The following RNF14 variants were observed in gnomAD, a reference collection of about 807,000 sequenced individuals.
RNF14 encodes the protein ring finger protein 14.
A neutral mutation model predicts 52.6 loss-of-function variants in RNF14; 26 were observed. The observed-to-expected ratio is 0.49, with a 90% CI of 0.36 to 0.69. The LOEUF (loss-of-function observed/expected upper bound fraction) is 0.69, where lower values mean the gene tolerates loss of function less well. RNF14 is among the 30% of genes least tolerant of loss of function. The pLI, the probability that RNF14 is intolerant of heterozygous loss-of-function variation, is 0.00. For synonymous variants in RNF14, 194 were observed against 202.0 expected (o/e 0.96, Z 0.34); for missense variants, 404 against 560.4 (o/e 0.72, Z 2.82).
At chr5:141,972,807 T>C (rs559127634) in intron 2 of RNF14, among the ~76,000 whole-genome samples, 1 of 152,176 alleles carries the variant, frequency 6.6e-6, no homozygotes, top group South Asian at 2.1e-4. Flanking sequence ...GCCAGGCTGG[T>C]CTCGAACTCC....
intron 6 of RNF14, among the ~76,000 whole-genome samples, chr5:141,981,226 A>G: frequency 6.6e-6 from 1 of 152,372 alleles, no homozygotes; most frequent in East Asian, 1.9e-4. Context: ...TGTATAATAT[A>G]TAGAAATTGA....
At chr5:141,952,283 C>T in the RNF14 span, 2 of 152,212 alleles carry the variant, frequency 1.3e-5, no homozygotes, top group African/African-American at 4.8e-5. Context: ...AGAATGGGGG[C>T]TCTGTGGGAG....
chr5:141,980,468 T>G, intron 6 of RNF14, 117 bp downstream of exon 6: 1 of 798,198 alleles, frequency 1.3e-6, no homozygotes, highest in South Asian at 1.7e-5. Context: ...TAGCAGATAT[T>G]TCTGTGTCAG....
upstream of RNF14, chr5:141,956,494 A>G: frequency 6.2e-7 from 1 of 1,614,200 alleles, no homozygotes; most frequent in Non-Finnish European, 8.5e-7. Flanking sequence ...ATTGTCGTTG[A>G]TGTCACTGAT....
chr5:141,967,288 C>G (rs1020700444), upstream of RNF14, among the ~76,000 whole-genome samples: 11 of 152,172 alleles, frequency 7.2e-5, no homozygotes, highest in African/African-American at 2.4e-4. Context: ...AGGGTGAGAG[C>G]ACAGCATCAA....
intron 4 of RNF14, among the ~76,000 whole-genome samples, chr5:141,977,323 C>T (rs563662799): frequency 9.2e-5 from 14 of 152,266 alleles, no homozygotes; most frequent in African/African-American, 3.4e-4. Flanking sequence ...AAGGTAGTAC[C>T]TATGCAGGGT....
chr5:141,967,980 G>C (rs945310722), upstream of RNF14, among the ~76,000 whole-genome samples: 2 of 152,128 alleles, frequency 1.3e-5, no homozygotes, highest in African/African-American at 4.8e-5. Context: ...ATCTATTAGC[G>C]GTATCTATTA....
chr5:141,963,666 C>G (rs1753292916), upstream of RNF14, among the ~76,000 whole-genome samples: 1 of 152,212 alleles, frequency 6.6e-6, no homozygotes, highest in Non-Finnish European at 1.5e-5. Context: ...GCATGTTCCT[C>G]TCTATTTACA....
chr5:141,976,772 CTCTCTTTTTT>C (rs1754294726), intron 4 of RNF14, among the ~76,000 whole-genome samples: 2 of 147,170 alleles, frequency 1.4e-5, no homozygotes, highest in Non-Finnish European at 3.0e-5. Context: ...CTGCCTTTCT[CTCTCTTTTTT>C]TTTTTTTTTT....
chr5:141,986,368 G>A (rs1755232936), intron 8 of RNF14, among the ~76,000 whole-genome samples: 1 of 152,208 alleles, frequency 6.6e-6, no homozygotes, highest in East Asian at 1.9e-4. Context: ...ATAACATAAG[G>A]AAAGGAAGAC....
Position 141,973,656 on chromosome 5 carries a change from A to G in RNF14, c.68A>G (p.Asp23Gly). ...GCCCTGGCAAGTATTTACGATGGAG[A>G]TGAATTTAGAAAAGCAGAGTCTGTC... ...LLALASIYDG[D>G]EFRKAESVQG... The change falls in exon 3 of 9, where the codon GAT becomes GGT. Residue 23 changes from aspartate (D) to glycine (G), a missense_variant. Physicochemically the swap from Asp to Gly is moderately conservative, Grantham distance 94. Coordinates refer to ENST00000394520, the MANE Select transcript of RNF14 (RefSeq NM_004290.5). The G allele has an allele frequency of 1.2e-6, 2 of 1,614,026 alleles. No individual in the cohort carries two copies. The highest frequency in any genetic ancestry group is 1.1e-5 in the South Asian group (1 of 91,042).
chr5:141,973,572 A>C lies in RNF14; in HGVS notation c.-6-11A>C, dbSNP rs763386195. 3.7e-6 allele frequency: 6 copies of C among 1,602,272 alleles called. No homozygotes were observed. Among genetic ancestry groups the C allele is most frequent in the Non-Finnish European group, 5.1e-6 (6 of 1,175,766 alleles). On this transcript the variant is annotated splice_polypyrimidine_tract_variant and intron_variant, in intron 2 of 8. Coordinates refer to ENST00000394520, the MANE Select transcript of RNF14 (RefSeq NM_004290.5). Reference sequence around the variant, plus strand: ...GCATTTTCTGTTCTTAACTGATTTTAATGTTTTCAGGTCCTTATGTCGTCA... The same window carrying C: ...GCATTTTCTGTTCTTAACTGATTTTCATGTTTTCAGGTCCTTATGTCGTCA...
upstream of RNF14, chr5:141,955,011 G>A: frequency 1.2e-6 from 2 of 1,614,128 alleles, no homozygotes; most frequent in East Asian, 2.2e-5. This position sits in a 1 kb window ranked among gnomAD's most constrained non-coding sequence, Gnocchi z 5.5. Context: ...CCTCCACGGG[G>A]TTCCGCTCGG....
chr5:141,969,093 C>G (rs545996611), upstream of RNF14: 4 of 152,370 alleles, frequency 2.6e-5, no homozygotes, highest in Admixed American at 6.5e-5. Flanking sequence ...CCTGGCTCAG[C>G]TGACAGCTCC....
chr5:141,989,686 CCTT>C lies in RNF14; in HGVS notation c.*1899_*1901del, dbSNP rs1422450309. ...CCAGCCTGAGCGACAGAGCGAGACT[CCTT>C]CTCAAAAAAAAAAAAAAAAAAAATT... On this transcript the variant is annotated 3_prime_UTR_variant, in exon 9 of 9. Transcript: ENST00000394520. The C allele has an allele frequency of 1.6e-5, 1 of 61,304 alleles. No individual in the cohort carries two copies. Among genetic ancestry groups the C allele is most frequent in the Non-Finnish European group, 3.0e-5 (1 of 33,836 alleles). The allele number at this position is 61,304 out of a possible 1,614,324, so 3.8% of individuals were successfully genotyped here.
intron 3 of RNF14, among the ~76,000 whole-genome samples, chr5:141,973,998 G>A (rs1481266845): frequency 6.6e-6 from 1 of 152,162 alleles, no homozygotes; most frequent in East Asian, 1.9e-4. Flanking sequence ...CAGTTTATCA[G>A]CCATGAGTCA....
chr5:141,955,788 T>A, upstream of RNF14: 3 of 1,613,782 alleles, frequency 1.9e-6, no homozygotes, highest in Non-Finnish European at 2.5e-6. This position sits in a 1 kb window ranked among gnomAD's most constrained non-coding sequence, Gnocchi z 5.5. Flanking sequence ...TCAACAGGGC[T>A]CGGGTCTGTA....
upstream of RNF14, among the ~76,000 whole-genome samples, chr5:141,954,030 A>G (rs759704434): frequency 6.6e-6 from 1 of 152,208 alleles, no homozygotes; most frequent in Non-Finnish European, 1.5e-5. Flanking sequence ...GTCCTTAGAC[A>G]TTTTGACACT....
chr5:141,964,440 A>AATG (rs532498908), upstream of RNF14, among the ~76,000 whole-genome samples: 103 of 152,152 alleles, frequency 6.8e-4, no homozygotes, highest in Middle Eastern at 6.8e-3. Flanking sequence ...TTAAAATAGG[A>AATG]ATGATGATGA....
Sources: gnomAD v4.1 joint callset for allele counts (sites outside exome capture counted in the v4.1 genomes callset) on GRCh38, gnomAD v4.1.1 for gene constraint, Gnocchi (gnomAD v3.1) non-coding constraint, MANE v1.5 for transcripts, NCBI Gene and HGNC (gene_info 2026-07-23, HGNC 2026-07-21) for gene names.